ZNF532: variants seen among roughly 807,000 people sequenced by gnomAD.
ZNF532 encodes the protein zinc finger protein 532.
A neutral mutation model predicts 89.3 loss-of-function variants in ZNF532; 22 were observed. The ratio of observed to expected loss-of-function variants is 0.25; its 90% CI spans 0.18 to 0.35. The LOEUF (loss-of-function observed/expected upper bound fraction) is 0.35, where lower values mean the gene tolerates loss of function less well. Ranked by LOEUF, ZNF532 falls within the 10% of genes least tolerant of loss-of-function variation. The pLI is 1.00. For missense variants in ZNF532, 1,132 were observed against 1,643.4 expected (o/e 0.69, Z 5.38); for synonymous variants, 606 against 649.6 (o/e 0.93, Z 1.02).
At chr18:58,971,895 CA>C (rs1347304577) in intron 7 of ZNF532, among the ~76,000 whole-genome samples, 1 of 152,164 alleles carries the variant, frequency 6.6e-6, no homozygotes, top group African/African-American at 2.4e-5. Flanking sequence ...CAACAGAATA[CA>C]ATACACTTGT....
chr18:58,966,761 C>CT (rs2065965925), intron 7 of ZNF532, among the ~76,000 whole-genome samples: 1 of 82,078 alleles, frequency 1.2e-5, no homozygotes. Context: ...TTTTTTTTTT[C>CT]TTTCAGGTTC....
intron 5 of ZNF532, among the ~76,000 whole-genome samples, chr18:58,944,712 T>C (rs1469477440): frequency 6.6e-6 from 1 of 152,094 alleles, no homozygotes; most frequent in African/African-American, 2.4e-5. Context: ...CTAAAAGACA[T>C]GTCTGTGAGG....
At chr18:58,875,931 CT>C (rs71173091) in intron 2 of ZNF532, among the ~76,000 whole-genome samples, 107 of 112,826 alleles carry the variant, frequency 9.5e-4, no homozygotes, top group Middle Eastern at 6.5e-3. Flanking sequence ...ACTTGGGGAT[CT>C]TTTTTTTTTT....
At chr18:58,864,791 CTTT>C (rs2056302697), upstream of ZNF532, 1 of 152,248 alleles carries the variant, frequency 6.6e-6, no homozygotes, top group Non-Finnish European at 1.5e-5. Context: ...GTTGCCATAG[CTTT>C]TTTATGTAGG....
At chr18:58,979,206 C>T (rs774921334) in intron 8 of ZNF532, 39 bp downstream of exon 8, 4 of 1,541,846 alleles carry the variant, frequency 2.6e-6, no homozygotes, top group African/African-American at 2.7e-5. Flanking sequence ...TGAGAGGACT[C>T]AGGAGGAACC....
At chr18:58,958,075 A>ATAC (rs1222410289) in intron 7 of ZNF532, among the ~76,000 whole-genome samples, 1 of 151,930 alleles carries the variant, frequency 6.6e-6, no homozygotes, top group Admixed American at 6.6e-5. Flanking sequence ...CAAAAAAAAA[A>ATAC]AAAAAAAATA....
Position 58,985,785 on chromosome 18 carries a change from T to TA in ZNF532, c.*1321dup, listed in dbSNP as rs1439534266. 1 of 150,770 alleles carries TA rather than the reference T, an allele frequency of 6.6e-6. No homozygotes were observed. The highest frequency in any genetic ancestry group is 2.4e-5 in the African/African-American group (1 of 40,870). 9.3% of individuals were successfully genotyped at this position (150,770 alleles called of 1,614,324 possible). On this transcript the variant is annotated 3_prime_UTR_variant, in exon 10 of 10. Coordinates refer to ENST00000591808, the MANE Select transcript of ZNF532 (RefSeq NM_001375912.1). ...TTTGTACCTTTTTTTTTTTTTTTTT[T>TA]AAGAAAAGGAATTCTTTTGTGTATA...
chr18:58,920,413 T>G lies in ZNF532; in HGVS notation c.2126T>G (p.Val709Gly), dbSNP rs746142710. The G allele has an allele frequency of 1.2e-6, 2 of 1,613,922 alleles. No individual in the cohort carries two copies. Among genetic ancestry groups the G allele is most frequent in the South Asian group, 2.2e-5 (2 of 91,070 alleles). Residue 709 changes from valine (V) to glycine (G), a missense_variant, in exon 3 of 10, where the codon GTG becomes GGG. This residue lies in a region of ZNF532 where 100 missense variants were observed against 122.0 expected (regional missense o/e 0.82). Coordinates refer to ENST00000591808, the MANE Select transcript of ZNF532 (RefSeq NM_001375912.1). Reference sequence around the variant, plus strand: ...TCAACTTCCACTCTTCAGAGCCCTGTGGGAGCTGGCACACACACTGTCACA... The same window carrying G: ...TCAACTTCCACTCTTCAGAGCCCTGGGGGAGCTGGCACACACACTGTCACA... ...STSTSTLQSP[V>G]GAGTHTVTKI... is the part of the protein sequence containing the mutation.
In ZNF532 at chr18:58,921,855, C is replaced by T. The variant is rs142582613; in HGVS notation, c.2346+1222C>T. Reference sequence around the variant, plus strand: ...GCACAGTGGCTTATGCCTGTAATCCCAGCACTTTAGGAGGCCGAGACAGGT... The same window carrying T: ...GCACAGTGGCTTATGCCTGTAATCCTAGCACTTTAGGAGGCCGAGACAGGT... On this transcript the variant is annotated intron_variant, in intron 3 of 9. Transcript: ENST00000591808. Among the ~76,000 whole-genome samples the T allele has an allele frequency of 4.9e-3, 746 of 152,284 alleles. 7 individuals carry two copies. The highest frequency in any genetic ancestry group is 0.016 in the African/African-American group (677 of 41,560).
At chr18:58,944,239 A>G (rs993815808) in intron 5 of ZNF532, among the ~76,000 whole-genome samples, 6 of 152,104 alleles carry the variant, frequency 3.9e-5, no homozygotes, top group Non-Finnish European at 8.8e-5. Context: ...ATTTGTTGTG[A>G]CACCTGTTTG....
At chr18:58,971,669 C>T (rs2066492261) in intron 7 of ZNF532, among the ~76,000 whole-genome samples, 1 of 152,136 alleles carries the variant, frequency 6.6e-6, no homozygotes, top group Non-Finnish European at 1.5e-5. Flanking sequence ...GGGAAACTCC[C>T]TTGGTGAACG....
In ZNF532 at chr18:58,920,355, A is replaced by G. The variant is rs2060936030; in HGVS notation, c.2068A>G (p.Met690Val). ...LILKPVPADQMIVSPSSNTST... is the reference protein window; with the variant it reads ...LILKPVPADQVIVSPSSNTST... Reference sequence around the variant, plus strand: ...TTTAAAGCCAGTCCCAGCAGATCAAATGATAGTTTCTCCGTCAAGCAATAC... The same window carrying G: ...TTTAAAGCCAGTCCCAGCAGATCAAGTGATAGTTTCTCCGTCAAGCAATAC... The change falls in exon 3 of 10, where the codon ATG becomes GTG. Residue 690 changes from methionine (M) to valine (V), a missense_variant. By Grantham distance (21) the Met-to-Val change is conservative. This residue lies in a region of ZNF532 where 70 missense variants were observed against 152.1 expected (regional missense o/e 0.46). Transcript: ENST00000591808. The G allele has an allele frequency of 6.2e-7, 1 of 1,613,854 alleles. No homozygotes were observed. Among genetic ancestry groups the G allele is most frequent in the Admixed American group, 1.7e-5 (1 of 59,996 alleles).
At position 58,920,358 on chromosome 18, in the gene ZNF532, A is replaced by C. The variant is rs763462836; in HGVS notation, c.2071A>C (p.Ile691Leu). The change falls in exon 3 of 10, where the codon ATA (isoleucine) becomes CTA (leucine). Residue 691 changes from isoleucine (I) to leucine (L), a missense_variant. Around this residue, in one of 9 missense-constraint regions of ZNF532, gnomAD observed 70 missense variants for 152.1 expected, o/e 0.46. Transcript: ENST00000591808. ...AAAGCCAGTCCCAGCAGATCAAATG[A>C]TAGTTTCTCCGTCAAGCAATACTTC... ...ILKPVPADQM[I>L]VSPSSNTSTS... is the part of the protein sequence containing the mutation. 2 of 1,613,952 alleles carry C rather than the reference A, an allele frequency of 1.2e-6. No individual in the cohort carries two copies. The highest frequency in any genetic ancestry group is 2.2e-5 in the South Asian group (2 of 91,062).
rs570896704 is a variant in ZNF532, at chr18:58,960,899, TA to T, written c.3150+7110del. ...GATCTTAAATGCAGAGCTTTTCACT[TA>T]AAAAAAAAATAAAAGTACACAGATA... On this transcript the variant is annotated intron_variant, in intron 7 of 9. Transcript: ENST00000591808. Among the ~76,000 whole-genome samples the T allele has an allele frequency of 2.3e-3, 339 of 149,918 alleles. 3 individuals are homozygous for T. Among genetic ancestry groups the T allele is most frequent in the Middle Eastern group, 0.01 (3 of 292 alleles).
chr18:58,945,351 C>G (rs2063559434), intron 5 of ZNF532, among the ~76,000 whole-genome samples: 1 of 152,236 alleles, frequency 6.6e-6, no homozygotes, highest in Non-Finnish European at 1.5e-5. Flanking sequence ...CGACATCCAC[C>G]TGTCTTACAA....
At chr18:58,909,195 C>T (rs182388595) in intron 2 of ZNF532, among the ~76,000 whole-genome samples, 6 of 152,094 alleles carry the variant, frequency 3.9e-5, no homozygotes, top group Admixed American at 1.3e-4. Flanking sequence ...TCAGGTGATC[C>T]GCCCACCTCA....
intron 7 of ZNF532, among the ~76,000 whole-genome samples, chr18:58,976,296 C>T (rs1323424737): frequency 1.3e-5 from 2 of 152,164 alleles, no homozygotes; most frequent in African/African-American, 2.4e-5. Flanking sequence ...AAAATAGTTA[C>T]TGATTTGCTA....
intron 2 of ZNF532, among the ~76,000 whole-genome samples, chr18:58,894,830 T>G (rs1365149874): frequency 6.6e-6 from 1 of 152,172 alleles, no homozygotes; most frequent in Non-Finnish European, 1.5e-5. Context: ...ATTTAGAGAT[T>G]AATGTACATG....
At chr18:58,876,236 A>T (rs2057420364) in intron 2 of ZNF532, among the ~76,000 whole-genome samples, 1 of 152,076 alleles carries the variant, frequency 6.6e-6, no homozygotes, top group Non-Finnish European at 1.5e-5. Context: ...GCCCAGCCTC[A>T]CTTGGGGATC....
Sources: allele counts gnomAD v4.1 joint callset (sites outside exome capture counted in the v4.1 genomes callset), GRCh38; gene constraint gnomAD v4.1.1; regional missense constraint gnomAD v4.1.1; transcripts MANE v1.5; gene names NCBI Gene and HGNC (gene_info 2026-07-23, HGNC 2026-07-21).